Variants in SUCLG2 observed in about 807,000 individuals in gnomAD.
SUCLG2 encodes the protein succinate-CoA ligase GDP-forming subunit beta, also known as succinate--CoA ligase [GDP-forming] subunit beta, mitochondrial.
A neutral mutation model predicts 47.9 loss-of-function variants in SUCLG2; 42 were observed. The ratio of observed to expected loss-of-function variants is 0.88; its 90% CI spans 0.69 to 1.14. SUCLG2 has a LOEUF of 1.14. Among genes scored for constraint, SUCLG2 ranks in the 50% most tolerant of loss-of-function variants. The pLI is 0.00. For synonymous variants in SUCLG2, 195 were observed against 197.3 expected (o/e 0.99, Z 0.10); for missense variants, 571 against 525.9 (o/e 1.09, Z -0.84).
At chr3:67,390,470 G>T (rs1575663627) in intron 10 of SUCLG2, among the ~76,000 whole-genome samples, 1 of 152,108 alleles carries the variant, frequency 6.6e-6, no homozygotes, top group Admixed American at 6.6e-5. Context: ...TTTGAAAATG[G>T]TAACTTTATA....
At chr3:67,513,642 G>A (rs1705857143) in intron 6 of SUCLG2, among the ~76,000 whole-genome samples, 1 of 152,176 alleles carries the variant, frequency 6.6e-6, no homozygotes, top group Admixed American at 6.5e-5. Context: ...TTCTACAAAA[G>A]TTAAAAATAA....
At chr3:67,520,740 C>G (rs1360805501) in intron 4 of SUCLG2, 106 bp from the exon 5 acceptor site, 1 of 1,329,674 alleles carries the variant, frequency 7.5e-7, no homozygotes, top group Non-Finnish European at 1.0e-6. Context: ...TTTTCAGGCT[C>G]TTACAGCCCA....
chr3:67,374,110 T>C (rs1199331489), downstream of SUCLG2, among the ~76,000 whole-genome samples: 2 of 152,190 alleles, frequency 1.3e-5, no homozygotes, highest in Non-Finnish European at 2.9e-5. Flanking sequence ...TGACATAATA[T>C]AGGTTATTTT....
At chr3:67,502,841 T>G (rs1044767266) in intron 7 of SUCLG2, among the ~76,000 whole-genome samples, 1 of 152,196 alleles carries the variant, frequency 6.6e-6, no homozygotes, top group Non-Finnish European at 1.5e-5. Flanking sequence ...AGGAAGAATA[T>G]TAATAGTTGG....
At chr3:67,423,439 A>G (rs1401137620) in intron 9 of SUCLG2, among the ~76,000 whole-genome samples, 3 of 152,190 alleles carry the variant, frequency 2.0e-5, no homozygotes, top group Non-Finnish European at 4.4e-5. Context: ...ATTTCCATAA[A>G]ATGCATGTTT....
intron 1 of SUCLG2, among the ~76,000 whole-genome samples, chr3:67,609,852 A>T (rs1700496972): frequency 6.6e-6 from 1 of 152,226 alleles, no homozygotes; most frequent in African/African-American, 2.4e-5. Flanking sequence ...TCTGTGATCT[A>T]GTTAACAGTA....
At chr3:67,476,689 G>A (rs1424022900) in intron 9 of SUCLG2, among the ~76,000 whole-genome samples, 2 of 152,230 alleles carry the variant, frequency 1.3e-5, no homozygotes, top group East Asian at 1.9e-4. Flanking sequence ...GTACCAAAAT[G>A]GTTGGGAACT....
intron 9 of SUCLG2, among the ~76,000 whole-genome samples, chr3:67,488,787 T>C (rs965630805): frequency 1.1e-4 from 17 of 152,182 alleles, no homozygotes; most frequent in Non-Finnish European, 2.4e-4. Flanking sequence ...AATTATATAT[T>C]TTTCCAAACT....
intron 2 of SUCLG2, among the ~76,000 whole-genome samples, chr3:67,602,474 CA>C (rs1708441289): frequency 6.6e-6 from 1 of 151,894 alleles, no homozygotes; most frequent in Non-Finnish European, 1.5e-5. Context: ...GTGAATACCA[CA>C]AGACACTTAG....
At chr3:67,611,481 A>C (rs1237902890) in intron 1 of SUCLG2, among the ~76,000 whole-genome samples, 1 of 152,242 alleles carries the variant, frequency 6.6e-6, no homozygotes, top group East Asian at 1.9e-4. Flanking sequence ...AGCGTGTTAT[A>C]TAACATACAA....
intron 6 of SUCLG2, among the ~76,000 whole-genome samples, chr3:67,517,919 G>A (rs151270034): frequency 0.017 from 2,538 of 152,148 alleles, 72 homozygotes; most frequent in African/African-American, 0.058. Context: ...ACTAAAGTTC[G>A]AATGAGCTGT....
chr3:67,516,751 A>C (rs1245556800), intron 6 of SUCLG2, among the ~76,000 whole-genome samples: 1 of 152,198 alleles, frequency 6.6e-6, no homozygotes, highest in African/African-American at 2.4e-5. Context: ...ACTGCAAATA[A>C]ATAAGAGAAA....
intron 2 of SUCLG2, among the ~76,000 whole-genome samples, chr3:67,564,692 G>A (rs904709233): frequency 6.6e-6 from 1 of 152,158 alleles, no homozygotes; most frequent in African/African-American, 2.4e-5. Flanking sequence ...AACATTATGA[G>A]ATTTTTTTGC....
chr3:67,487,348 T>G (rs531303336), intron 9 of SUCLG2, among the ~76,000 whole-genome samples: 1 of 152,280 alleles, frequency 6.6e-6, no homozygotes, highest in Non-Finnish European at 1.5e-5. Context: ...CTCAATATAC[T>G]CTACACAATA....
intron 4 of SUCLG2, among the ~76,000 whole-genome samples, chr3:67,524,903 G>A (rs1243119780): frequency 6.6e-6 from 1 of 152,112 alleles, no homozygotes; most frequent in Non-Finnish European, 1.5e-5. Context: ...AACATTAACA[G>A]GCACAGACAA....
intron 2 of SUCLG2, among the ~76,000 whole-genome samples, chr3:67,533,630 C>A (rs1706458969): frequency 6.6e-6 from 1 of 152,066 alleles, no homozygotes; most frequent in East Asian, 1.9e-4. Context: ...AAAGAATATA[C>A]AATTATATAG....
intron 2 of SUCLG2, among the ~76,000 whole-genome samples, chr3:67,565,433 C>T (rs1707428549): frequency 6.6e-6 from 1 of 152,102 alleles, no homozygotes; most frequent in Non-Finnish European, 1.5e-5. Flanking sequence ...CTGTATAACC[C>T]AATATTAGCT....
chr3:67,444,004 G>T (rs1703849022), intron 9 of SUCLG2, among the ~76,000 whole-genome samples: 1 of 124,896 alleles, frequency 8.0e-6, no homozygotes, highest in East Asian at 3.1e-4. Flanking sequence ...CCATCCGGGA[G>T]GGAGGTGGGG....
In SUCLG2 at chr3:67,594,979, G is replaced by A. The variant is rs189479192; in HGVS notation, c.226+14476C>T. Among the ~76,000 whole-genome samples the A allele has an allele frequency of 6.8e-4, 103 of 152,118 alleles. No individual in the cohort carries two copies. The Middle Eastern group carries it at 0.014, about 20-fold the overall frequency. The stretch of plus-strand genomic sequence containing the variant: ...TACCTCAAGATCAGACTCCAATAAC[G>A]ATACCCCCTCCCCACCAAAAAAACT... On this transcript the variant is annotated intron_variant, in intron 2 of 10. Transcript: ENST00000307227.
Sources: gnomAD v4.1 joint callset for allele counts (sites outside exome capture counted in the v4.1 genomes callset) on GRCh38, gnomAD v4.1.1 for gene constraint, MANE v1.5 for transcripts, NCBI Gene and HGNC (gene_info 2026-07-23, HGNC 2026-07-21) for gene names.